PHF3: variants seen among roughly 807,000 people sequenced by gnomAD.
PHF3 encodes PHD finger protein 3.
A neutral mutation model predicts 178.4 loss-of-function variants in PHF3; 41 were observed. The observed-to-expected ratio is 0.23, with a 90% CI of 0.18 to 0.30. PHF3 has a LOEUF of 0.30. Ranked by LOEUF, PHF3 falls within the 10% of genes least tolerant of loss-of-function variation. PHF3 has a pLI of 1.00. For missense variants in PHF3, 2,346 were observed against 2,398.1 expected, an observed-to-expected ratio of 0.98 and a Z score of 0.45; for synonymous variants, 842 against 800.5, an observed-to-expected ratio of 1.05 and a Z score of -0.88.
rs1014304639 is a variant in PHF3, at chr6:63,692,630, A to T, written c.2496+587A>T. Among the ~76,000 whole-genome samples the T allele has an allele frequency of 2.9e-4, 44 of 152,206 alleles. 1 individual carries two copies. Among genetic ancestry groups the T allele is most frequent in the Non-Finnish European group, 5.9e-5 (4 of 68,016 alleles). ...TAGAGAGGAGAAACAGTGGCAACAC[A>T]TGTATGTGGTTAGGCAAGTATAATC... On this transcript the variant is annotated intron_variant, in intron 5 of 15. Coordinates refer to ENST00000262043, the MANE Select transcript of PHF3 (RefSeq NM_001370348.2).
rs1768510056 is a variant in PHF3 at position 63,723,867 on chromosome 6, G to C, written c.*10159G>C. ...ACCAGAGTCCTGCTCTGTCCCCCAAGCTGGAGTGCAATGGTGCAATCTCGG... is the reference window on the plus strand; with the variant it reads ...ACCAGAGTCCTGCTCTGTCCCCCAACCTGGAGTGCAATGGTGCAATCTCGG... On this transcript the variant is annotated 3_prime_UTR_variant, in exon 16 of 16. Coordinates refer to ENST00000262043, the MANE Select transcript of PHF3 (RefSeq NM_001370348.2). 6.6e-6 allele frequency among the ~76,000 whole-genome samples: 1 copy of C among 150,980 alleles called. No individual in the cohort carries two copies. The highest frequency in any genetic ancestry group is 1.5e-5 in the Non-Finnish European group (1 of 67,812).
intron 2 of PHF3, among the ~76,000 whole-genome samples, chr6:63,655,889 C>T (rs534689874): frequency 6.6e-5 from 10 of 152,224 alleles, no homozygotes; most frequent in African/African-American, 9.6e-5. Flanking sequence ...GCCATTCTGC[C>T]GCCTTGTCCT....
chr6:63,683,728 A>C (rs955470294), intron 3 of PHF3, among the ~76,000 whole-genome samples: 8 of 152,258 alleles, frequency 5.3e-5, no homozygotes, highest in African/African-American at 1.4e-4. Flanking sequence ...TTATATATTT[A>C]GAAATATTTA....
intron 2 of PHF3, among the ~76,000 whole-genome samples, chr6:63,674,689 C>T (rs1448768885): frequency 6.6e-6 from 1 of 152,084 alleles, no homozygotes; most frequent in Non-Finnish European, 1.5e-5. Context: ...CTATACTTAA[C>T]ACAGCCCCTA....
At chr6:63,710,170 A>C (rs914115366) in intron 14 of PHF3, among the ~76,000 whole-genome samples, 2 of 152,212 alleles carry the variant, frequency 1.3e-5, no homozygotes, top group Admixed American at 6.5e-5. Flanking sequence ...TAGAATTTAA[A>C]TTGATACAGT....
Position 63,698,293 on chromosome 6 carries a change from T to G in PHF3, c.2751T>G (p.Ala917=). 1 of 1,613,158 alleles carries G rather than the reference T, an allele frequency of 6.2e-7. No homozygotes were observed. The highest frequency in any genetic ancestry group is 8.5e-7 in the Non-Finnish European group (1 of 1,179,282). ...GAGTGCTTAATGTACATCCTGCTGC[T>G]TCTGCTTCCAAGCCTTCTGCAGATC... ...EKGVLNVHPA[A]SASKPSADQI... Residue 917 remains alanine, a synonymous_variant, in exon 7 of 16, where the codon GCT becomes GCG. Coordinates refer to ENST00000262043, the MANE Select transcript of PHF3 (RefSeq NM_001370348.2).
chr6:63,700,234 A>G, intron 8 of PHF3, 116 bp from the exon 9 acceptor site: 1 of 543,588 alleles, frequency 1.8e-6, no homozygotes, highest in South Asian at 2.7e-5. Context: ...TAATATATAA[A>G]TAATTAAGTA....
intron 2 of PHF3, among the ~76,000 whole-genome samples, chr6:63,666,785 T>C (rs758903492): frequency 9.9e-4 from 150 of 150,840 alleles, no homozygotes; most frequent in Non-Finnish European, 1.4e-3. Flanking sequence ...GGAGTCTTGC[T>C]CAGTTGCCCA....
chr6:63,639,959 G>A (rs1293414762), intron 1 of PHF3, among the ~76,000 whole-genome samples: 3 of 152,082 alleles, frequency 2.0e-5, no homozygotes, highest in Admixed American at 6.5e-5. Flanking sequence ...TGTTACTGTT[G>A]GCTACTGTAA....
chr6:63,686,255 C>T (rs557052981), intron 4 of PHF3: 1 of 220,620 alleles, frequency 4.5e-6, no homozygotes, highest in East Asian at 9.5e-5. Context: ...TGCTTTGGGT[C>T]TGTAAGTTAT....
chr6:63,675,568 T>A (rs1218994572), intron 2 of PHF3, among the ~76,000 whole-genome samples: 1 of 152,160 alleles, frequency 6.6e-6, no homozygotes, highest in Non-Finnish European at 1.5e-5. Context: ...CTTGATTTAA[T>A]GTAGAAATGG....
rs1766556074 is a variant in PHF3, at chr6:63,684,040, A to G, written c.407-89A>G. 4 of 1,025,248 alleles carry G rather than the reference A, an allele frequency of 3.9e-6. No homozygotes were observed. The Admixed American group carries it at 1.0e-4, about 26-fold the overall frequency. The allele number at this position is 1,025,248 out of a possible 1,614,324, so 63.5% of individuals were successfully genotyped here. A position where few individuals can be genotyped will look rare whatever the true frequency, so the allele number is the denominator to read the frequency against. On this transcript the variant is annotated intron_variant, in intron 3 of 15. Transcript: ENST00000262043. Reference sequence around the variant, plus strand: ...TGTTGAGCAAATTATAGCTCAGAATAAAGAAGTGATATATTCTAAATTGTA... The same window carrying G: ...TGTTGAGCAAATTATAGCTCAGAATGAAGAAGTGATATATTCTAAATTGTA...
rs747425316 is a variant in PHF3 at position 63,685,547 on chromosome 6, G to C, written c.1825G>C (p.Glu609Gln). Residue 609 changes from glutamate (E) to glutamine (Q), a missense_variant, in exon 4 of 16, where the codon GAA (glutamate) becomes CAA (glutamine). Glu to Gln is a conservative substitution (Grantham distance 29). Around this residue, in one of 8 missense-constraint regions of PHF3, gnomAD observed 843 missense variants for 795.2 expected, o/e 1.06. Coordinates refer to ENST00000262043, the MANE Select transcript of PHF3 (RefSeq NM_001370348.2). ...KSHAHPGCLK[E>Q]PHHPAQTGHV... ...ACACGCTCATCCTGGTTGCTTGAAA[G>C]AACCTCATCATCCTGCACAAACTGG... 1.2e-6 allele frequency: 2 copies of C among 1,614,088 alleles called. No homozygotes were observed. Among genetic ancestry groups the C allele is most frequent in the South Asian group, 2.2e-5 (2 of 91,078 alleles).
At chr6:63,687,182 T>C (rs1295974184) in intron 4 of PHF3, among the ~76,000 whole-genome samples, 2 of 152,168 alleles carry the variant, frequency 1.3e-5, no homozygotes, top group African/African-American at 4.8e-5. Context: ...TTTGGGAGGC[T>C]GAGGTGGGCG....
chr6:63,693,979 TAGTC>T (rs1482110431), intron 5 of PHF3, among the ~76,000 whole-genome samples: 2 of 152,260 alleles, frequency 1.3e-5, no homozygotes, highest in Non-Finnish European at 2.9e-5. Flanking sequence ...AGAGGATTCT[TAGTC>T]TAGAGAAAAG....
intron 2 of PHF3, among the ~76,000 whole-genome samples, chr6:63,659,816 C>T (rs1765391211): frequency 6.6e-6 from 1 of 152,130 alleles, no homozygotes; most frequent in Non-Finnish European, 1.5e-5. Flanking sequence ...TAGGGATACT[C>T]AACCTGTACT....
chr6:63,646,876 CT>C (rs1026515167), intron 2 of PHF3, 81 bp downstream of exon 2: 12 of 774,580 alleles, frequency 1.5e-5, no homozygotes, highest in African/African-American at 1.5e-4. Flanking sequence ...TTTCTTTTTT[CT>C]TTTTTTCTTT....
intron 6 of PHF3, among the ~76,000 whole-genome samples, chr6:63,697,258 G>A (rs189686288): frequency 1.3e-5 from 2 of 152,264 alleles, no homozygotes; most frequent in Admixed American, 1.3e-4. Flanking sequence ...GTTGGATTTG[G>A]TAATGGGAAA....
chr6:63,667,052 C>A (rs535854078), intron 2 of PHF3, among the ~76,000 whole-genome samples: 10 of 152,004 alleles, frequency 6.6e-5, no homozygotes, highest in Admixed American at 3.3e-4. Flanking sequence ...CTTATGTTGC[C>A]CAGGCTGGTC....
Sources: gnomAD v4.1 joint callset for allele counts (sites outside exome capture counted in the v4.1 genomes callset) on GRCh38, gnomAD v4.1.1 for gene constraint, gnomAD v4.1.1 regional missense constraint, MANE v1.5 for transcripts, NCBI Gene and HGNC (gene_info 2026-07-23, HGNC 2026-07-21) for gene names.